DLG2: variants seen among roughly 807,000 people sequenced by gnomAD.
The protein encoded by DLG2 is discs large MAGUK scaffold protein 2.
A neutral mutation model predicts 132.5 loss-of-function variants in DLG2; 45 were observed. That is an observed-to-expected ratio of 0.34 (90% CI 0.27 to 0.44). DLG2 has a LOEUF of 0.44. Among genes scored for constraint, DLG2 ranks in the 20% least tolerant of loss-of-function variants. DLG2 has a pLI of 1.00. For synonymous variants in DLG2, 424 were observed against 419.6 expected (o/e 1.01, Z -0.13); for missense variants, 1,045 against 1,196.9 (o/e 0.87, Z 1.87).
intron 6 of DLG2, among the ~76,000 whole-genome samples, chr11:84,642,212 A>T (rs1334253083): frequency 6.6e-6 from 1 of 150,708 alleles, no homozygotes; most frequent in East Asian, 2.0e-4. Context: ...CCTTACTCCT[A>T]AATTACCACT....
chr11:84,850,481 A>G (rs547708598), intron 6 of DLG2, among the ~76,000 whole-genome samples: 1 of 152,282 alleles, frequency 6.6e-6, no homozygotes, highest in East Asian at 1.9e-4. Flanking sequence ...CGTTTCCACT[A>G]GGGTGAGGAA....
intron 6 of DLG2, among the ~76,000 whole-genome samples, chr11:85,069,898 C>T (rs2065541041): frequency 6.6e-6 from 1 of 152,166 alleles, no homozygotes; most frequent in East Asian, 1.9e-4. Context: ...GACTTGGAAC[C>T]AACCCAAGTG....
At chr11:84,344,578 T>A (rs943810912) in intron 7 of DLG2, among the ~76,000 whole-genome samples, 1 of 152,176 alleles carries the variant, frequency 6.6e-6, no homozygotes, top group Non-Finnish European at 1.5e-5. Flanking sequence ...AACTTGTCTT[T>A]TCCACCTATT....
chr11:84,163,824 A>G (rs547839356), intron 8 of DLG2, among the ~76,000 whole-genome samples: 205 of 152,330 alleles, frequency 1.3e-3, no homozygotes, highest in African/African-American at 4.6e-3. Context: ...ATCTAGGGGC[A>G]ATGATACAAT....
intron 6 of DLG2, among the ~76,000 whole-genome samples, chr11:85,067,986 G>C (rs1159007150): frequency 1.3e-5 from 2 of 152,050 alleles, no homozygotes; most frequent in Non-Finnish European, 2.9e-5. Context: ...GGGACGCAAG[G>C]CTGTTTCAAC....
At chr11:83,679,837 A>G (rs1400924920) in intron 18 of DLG2, among the ~76,000 whole-genome samples, 2 of 152,154 alleles carry the variant, frequency 1.3e-5, no homozygotes, top group Non-Finnish European at 2.9e-5. Flanking sequence ...GGTGCAGACA[A>G]TAATACTTGG....
chr11:84,056,167 A>G (rs2096495032), intron 11 of DLG2, among the ~76,000 whole-genome samples: 1 of 151,964 alleles, frequency 6.6e-6, no homozygotes, highest in East Asian at 1.9e-4. Context: ...TCAACCCATC[A>G]TCTAGGTTTT....
chr11:84,086,331 T>C (rs1025200413), intron 10 of DLG2, among the ~76,000 whole-genome samples: 4 of 152,208 alleles, frequency 2.6e-5, no homozygotes, highest in African/African-American at 9.6e-5. Context: ...CAGGGCACTT[T>C]TAAAGTAATA....
In DLG2 at chr11:84,991,502, C is replaced by T. The variant is rs1279452560; in HGVS notation, c.357+120159G>A. Among the ~76,000 whole-genome samples, 4 of 96,366 alleles carry T rather than the reference C, an allele frequency of 4.2e-5. 1 individual carries two copies. Among genetic ancestry groups the T allele is most frequent in the African/African-American group, 2.0e-4 (4 of 20,208 alleles). The allele number at this position is 96,366 out of a possible 152,430, so 63.2% of individuals were successfully genotyped here. Reference sequence around the variant, plus strand: ...TCAGCCTGGGCAACAGAGTGAGACACCTTCTCAAAAAAAAAAAAAAAAAAG... The same window carrying T: ...TCAGCCTGGGCAACAGAGTGAGACATCTTCTCAAAAAAAAAAAAAAAAAAG... On this transcript the variant is annotated intron_variant, in intron 6 of 27. Transcript: ENST00000376104.
intron 6 of DLG2, among the ~76,000 whole-genome samples, chr11:84,589,366 G>C (rs544207118): frequency 6.6e-6 from 1 of 152,240 alleles, no homozygotes; most frequent in East Asian, 1.9e-4. Context: ...TGAGACCATA[G>C]AGTTTTAAGC....
intron 6 of DLG2, among the ~76,000 whole-genome samples, chr11:84,585,513 A>G (rs2099527562): frequency 6.6e-6 from 1 of 152,096 alleles, no homozygotes; most frequent in Non-Finnish European, 1.5e-5. Flanking sequence ...CCTCATGTAC[A>G]TTTCCATCAG....
intron 19 of DLG2, among the ~76,000 whole-genome samples, chr11:83,547,606 G>A (rs2096274114): frequency 2.0e-5 from 3 of 152,100 alleles, no homozygotes; most frequent in Admixed American, 2.0e-4. Context: ...CAAGAAAACA[G>A]GCACCTTAGT....
At chr11:84,394,262 A>T (rs943242075) in intron 7 of DLG2, among the ~76,000 whole-genome samples, 1 of 151,696 alleles carries the variant, frequency 6.6e-6, no homozygotes, top group Non-Finnish European at 1.5e-5. Flanking sequence ...GCACTCTAGG[A>T]TCACTTTCCT....
At chr11:84,351,987 G>C (rs1028284946) in intron 7 of DLG2, among the ~76,000 whole-genome samples, 14 of 152,158 alleles carry the variant, frequency 9.2e-5, no homozygotes, top group African/African-American at 3.4e-4. Context: ...CAAATTTCTT[G>C]AGGTAAATAG....
intron 3 of DLG2, among the ~76,000 whole-genome samples, chr11:85,414,157 G>A (rs1400847789): frequency 1.3e-5 from 2 of 151,942 alleles, no homozygotes; most frequent in East Asian, 3.9e-4. Context: ...TTTTCTTCCA[G>A]CTATTGTAAA....
intron 4 of DLG2, among the ~76,000 whole-genome samples, chr11:85,280,922 C>T (rs963505627): frequency 2.0e-5 from 3 of 151,912 alleles, no homozygotes; most frequent in Non-Finnish European, 4.4e-5. Context: ...TATTTCAAAA[C>T]ACCACCAATC....
intron 3 of DLG2, among the ~76,000 whole-genome samples, chr11:85,366,504 T>C (rs932255591): frequency 3.3e-5 from 5 of 152,206 alleles, no homozygotes; most frequent in Admixed American, 1.3e-4. Flanking sequence ...AATTCCTCCA[T>C]GGTTTTCTAA....
chr11:85,181,526 T>C (rs1035024028), intron 4 of DLG2, among the ~76,000 whole-genome samples: 8 of 151,846 alleles, frequency 5.3e-5, no homozygotes, highest in Admixed American at 2.6e-4. Flanking sequence ...GTCATATAAT[T>C]GCAGTTCTCC....
chr11:85,263,263 T>C (rs146066309), intron 4 of DLG2, among the ~76,000 whole-genome samples: 254 of 152,334 alleles, frequency 1.7e-3, no homozygotes, highest in Admixed American at 4.4e-3. Flanking sequence ...GGAAGATTTA[T>C]CATTCCAATG....
Sources: allele counts gnomAD v4.1 joint callset (sites outside exome capture counted in the v4.1 genomes callset), GRCh38; gene constraint gnomAD v4.1.1; transcripts MANE v1.5; gene names NCBI Gene and HGNC (gene_info 2026-07-23, HGNC 2026-07-21).